The following ATP8A2 variants were observed in gnomAD, a reference collection of about 807,000 sequenced individuals.
ATP8A2 encodes ATPase phospholipid transporting 8A2.
A neutral mutation model predicts 165.6 loss-of-function variants in ATP8A2; 100 were observed. The observed-to-expected ratio is 0.60, with a 90% CI of 0.51 to 0.71. ATP8A2 has a LOEUF of 0.71. Ranked by LOEUF, ATP8A2 falls within the 30% of genes least tolerant of loss-of-function variation. The pLI, the probability that ATP8A2 is intolerant of heterozygous loss-of-function variation, is 0.00. For synonymous variants in ATP8A2, 543 were observed against 548.8 expected (o/e 0.99, Z 0.15); for missense variants, 1,227 against 1,479.5 (o/e 0.83, Z 2.80).
intron 25 of ATP8A2, among the ~76,000 whole-genome samples, chr13:25,713,755 T>G (rs191677503): frequency 1.1e-3 from 166 of 152,140 alleles, no homozygotes; most frequent in African/African-American, 3.9e-3. Flanking sequence ...CAAATATGTT[T>G]CCTGACAAAC....
chr13:25,937,809 A>C (rs918866014), intron 33 of ATP8A2, among the ~76,000 whole-genome samples: 1 of 141,738 alleles, frequency 7.1e-6, no homozygotes, highest in Admixed American at 7.6e-5. Flanking sequence ...AGATGGCAAC[A>C]CTGCACTCCA....
chr13:25,859,785 A>G (rs1419201643), intron 30 of ATP8A2, among the ~76,000 whole-genome samples: 1 of 152,204 alleles, frequency 6.6e-6, no homozygotes, highest in Non-Finnish European at 1.5e-5. Context: ...TTATTGGTCC[A>G]TAATTCCAAT....
chr13:25,405,393 G>A lies in ATP8A2; in HGVS notation c.76+33105G>A, dbSNP rs568062715. On this transcript the variant is annotated intron_variant, in intron 1 of 36. Coordinates refer to ENST00000381655, the MANE Select transcript of ATP8A2 (RefSeq NM_016529.6). ...CTTATGTATCCAGTTAAATTAGAAT[G>A]CACAGACATTTAGCATTAAAGCCCA... Among the ~76,000 whole-genome samples the A allele has an allele frequency of 5.3e-5, 8 of 152,324 alleles. No homozygotes were observed. In the South Asian group the frequency reaches 1.7e-3, roughly 32 times the overall value.
intron 35 of ATP8A2, among the ~76,000 whole-genome samples, chr13:26,003,652 A>T (rs1956679932): frequency 1.3e-5 from 2 of 152,104 alleles, no homozygotes; most frequent in African/African-American, 2.4e-5. Context: ...TTTTAGTTTC[A>T]ACTCGTATAT....
In ATP8A2 at chr13:25,953,050, G is replaced by T. The variant is rs940681882; in HGVS notation, c.3184-8525G>T. On this transcript the variant is annotated intron_variant, in intron 33 of 36. Coordinates refer to ENST00000381655, the MANE Select transcript of ATP8A2 (RefSeq NM_016529.6). The surrounding 1 kb of genome is among the most constrained non-coding windows in gnomAD (Gnocchi z 6.7). ...GGGGCAAGGAGGGCTGAGAAGAGAA[G>T]GTGGCAATGGCAACTGCAAGGGTTC... Among the ~76,000 whole-genome samples, 1 of 152,176 alleles carries T rather than the reference G, an allele frequency of 6.6e-6. No individual in the cohort carries two copies. The highest frequency in any genetic ancestry group is 2.4e-5 in the African/African-American group (1 of 41,446).
At chr13:25,653,275 A>G (rs2041855690) in intron 24 of ATP8A2, among the ~76,000 whole-genome samples, 1 of 152,224 alleles carries the variant, frequency 6.6e-6, no homozygotes, top group Admixed American at 6.5e-5. Context: ...GCAGTCATAA[A>G]AAAGAATGAG....
At chr13:26,006,393 C>G (rs2139337843) in intron 35 of ATP8A2, among the ~76,000 whole-genome samples, 1 of 151,918 alleles carries the variant, frequency 6.6e-6, no homozygotes, top group South Asian at 2.1e-4. Flanking sequence ...TTATTAACTC[C>G]CGTAATTTGA....
chr13:25,665,839 C>T (rs2042142393), intron 24 of ATP8A2, among the ~76,000 whole-genome samples: 1 of 151,574 alleles, frequency 6.6e-6, no homozygotes, highest in Non-Finnish European at 1.5e-5. Flanking sequence ...AGATGCACAC[C>T]ACCACTCCTG....
intron 1 of ATP8A2, among the ~76,000 whole-genome samples, chr13:25,453,271 C>A (rs530310858): frequency 6.6e-6 from 1 of 151,536 alleles, no homozygotes; most frequent in African/African-American, 2.4e-5. Flanking sequence ...GGATTACAGG[C>A]GCCTGCCACC....
chr13:25,679,701 C>G (rs749219563), intron 24 of ATP8A2, among the ~76,000 whole-genome samples: 1 of 152,076 alleles, frequency 6.6e-6, no homozygotes, highest in Non-Finnish European at 1.5e-5. Context: ...AATCAGTGCC[C>G]TAAAACAAAG....
At chr13:25,956,638 A>G (rs915252168) in intron 33 of ATP8A2, among the ~76,000 whole-genome samples, 4 of 152,260 alleles carry the variant, frequency 2.6e-5, no homozygotes, top group African/African-American at 9.6e-5. Context: ...AACAAATGGA[A>G]AAACATTCCA....
At chr13:25,916,131 A>G (rs1337067834) in intron 33 of ATP8A2, among the ~76,000 whole-genome samples, 1 of 152,236 alleles carries the variant, frequency 6.6e-6, no homozygotes, top group Non-Finnish European at 1.5e-5. Context: ...AGGAAGGGAA[A>G]TGGAGACATT....
At chr13:25,810,490 C>G (rs1172660129) in intron 27 of ATP8A2, among the ~76,000 whole-genome samples, 1 of 149,856 alleles carries the variant, frequency 6.7e-6, no homozygotes, top group African/African-American at 2.5e-5. Flanking sequence ...ATTTAAACAT[C>G]TTGAGGGCAG....
At chr13:25,672,441 C>A (rs541369427) in intron 24 of ATP8A2, among the ~76,000 whole-genome samples, 84 of 152,072 alleles carry the variant, frequency 5.5e-4, no homozygotes, top group Admixed American at 2.1e-3. Flanking sequence ...CTTTCCATTT[C>A]TCTTTGGGGT....
chr13:25,484,132 G>C (rs897893481), intron 2 of ATP8A2, among the ~76,000 whole-genome samples: 2 of 152,232 alleles, frequency 1.3e-5, no homozygotes, highest in African/African-American at 4.8e-5. Context: ...TGCATGTGTG[G>C]ATTGGTGTTA....
Position 25,937,686 on chromosome 13 carries a change from A to G in ATP8A2, c.3184-23889A>G, listed in dbSNP as rs1030295087. Among the ~76,000 whole-genome samples, 11 of 151,386 alleles carry G rather than the reference A, an allele frequency of 7.3e-5. No individual in the cohort carries two copies. In the East Asian group the frequency reaches 1.9e-3, roughly 27 times the overall value. ...AACACGGTGAAACCCTGTCTCTACT[A>G]AAAATACAAAAAATTAGCCAGGCAT... On this transcript the variant is annotated intron_variant, in intron 33 of 36. Transcript: ENST00000381655.
chr13:25,626,839 C>T (rs545909443), intron 24 of ATP8A2, among the ~76,000 whole-genome samples: 5 of 152,082 alleles, frequency 3.3e-5, no homozygotes, highest in South Asian at 2.1e-4. Flanking sequence ...AGAACAAAGG[C>T]GAACAAAGGC....
chr13:25,507,361 G>A (rs1204185898), intron 2 of ATP8A2, among the ~76,000 whole-genome samples: 1 of 151,784 alleles, frequency 6.6e-6, no homozygotes, highest in Non-Finnish European at 1.5e-5. Context: ...CGCCTCCCAG[G>A]TTCTAGCAAT....
intron 35 of ATP8A2, among the ~76,000 whole-genome samples, chr13:25,991,724 G>A (rs149169354): frequency 6.6e-6 from 1 of 152,084 alleles, no homozygotes; most frequent in Non-Finnish European, 1.5e-5. Flanking sequence ...CATGTACCAC[G>A]CGTTGCTTGA....
Sources: gnomAD v4.1 joint callset for allele counts (sites outside exome capture counted in the v4.1 genomes callset) on GRCh38, gnomAD v4.1.1 for gene constraint, Gnocchi (gnomAD v3.1) non-coding constraint, MANE v1.5 for transcripts, NCBI Gene and HGNC (gene_info 2026-07-23, HGNC 2026-07-21) for gene names.